CCDC3: variants seen among roughly 807,000 people sequenced by gnomAD.
The protein encoded by CCDC3 is coiled-coil domain-containing protein 3.
In CCDC3, 24 loss-of-function variants were observed where a neutral mutation model predicts 21.4. That is an observed-to-expected ratio of 1.12 (90% confidence interval 0.81 to 1.58). CCDC3 has a LOEUF of 1.58. Ranked by LOEUF, CCDC3 falls within the 40% of genes most tolerant of loss-of-function variation. CCDC3 has a pLI of 0.00. For missense variants in CCDC3, 425 were observed against 360.9 expected (o/e 1.18, Z -1.44); for synonymous variants, 186 against 166.0 (o/e 1.12, Z -0.93).
At chr10:12,926,844 T>A (rs1834548841) in intron 2 of CCDC3, among the ~76,000 whole-genome samples, 1 of 152,190 alleles carries the variant, frequency 6.6e-6, no homozygotes, top group African/African-American at 2.4e-5. Context: ...GATAACAGGA[T>A]ATTTCATTGG....
intron 2 of CCDC3, among the ~76,000 whole-genome samples, chr10:12,996,572 G>A (rs539999995): frequency 1.3e-5 from 2 of 152,244 alleles, no homozygotes; most frequent in South Asian, 4.1e-4. Context: ...CTGACCTCAG[G>A]TGATCCCCCC....
At position 12,921,571 on chromosome 10, in the gene CCDC3, A is replaced by G. The variant is rs190582855; in HGVS notation, c.550-22892T>C. On this transcript the variant is annotated intron_variant, in intron 2 of 2. Transcript: ENST00000378825. ...TCTTAAAAATTGTAGCAAAATATAC[A>G]TAACATAAAATTTACCATCTTAACC... Among the ~76,000 whole-genome samples, 521 of 152,370 alleles carry G rather than the reference A, an allele frequency of 3.4e-3. 2 individuals are homozygous for G. The highest frequency in any genetic ancestry group is 6.3e-3 in the Non-Finnish European group (429 of 68,026).
intron 4 of CCDC3, among the ~76,000 whole-genome samples, chr10:13,054,496 T>C (rs1173580447): frequency 6.6e-6 from 1 of 152,138 alleles, no homozygotes; most frequent in African/African-American, 2.4e-5. Context: ...AGCTCCATGA[T>C]GGCAGGAATT....
chr10:13,074,687 A>C (rs1836938842), intron 3 of CCDC3, among the ~76,000 whole-genome samples: 1 of 151,876 alleles, frequency 6.6e-6, no homozygotes, highest in African/African-American at 2.4e-5. Context: ...CTTTCTCATA[A>C]GCACAAATAC....
intron 2 of CCDC3, among the ~76,000 whole-genome samples, chr10:12,965,555 A>G (rs1169536947): frequency 1.3e-5 from 2 of 152,190 alleles, no homozygotes; most frequent in African/African-American, 2.4e-5. Context: ...CGTAAGAGAG[A>G]TGTCACTCAC....
intron 5 of CCDC3, among the ~76,000 whole-genome samples, chr10:13,048,577 C>T (rs1412499697): frequency 2.6e-5 from 4 of 152,088 alleles, no homozygotes; most frequent in East Asian, 3.9e-4. Context: ...CCTATTGATG[C>T]CATTCACTTT....
chr10:13,028,343 C>G (rs1214905247), intron 5 of CCDC3, among the ~76,000 whole-genome samples: 2 of 152,222 alleles, frequency 1.3e-5, no homozygotes, highest in African/African-American at 4.8e-5. Flanking sequence ...GAGGCCTCCC[C>G]CAGCCACGTG....
At chr10:13,069,186 C>A (rs1412113900) in intron 4 of CCDC3, among the ~76,000 whole-genome samples, 2 of 152,182 alleles carry the variant, frequency 1.3e-5, no homozygotes, top group African/African-American at 4.8e-5. Context: ...ACCCGGGAGG[C>A]AGAGGTTGCG....
intron 5 of CCDC3, among the ~76,000 whole-genome samples, chr10:13,019,044 T>C (rs1487293627): frequency 2.0e-5 from 3 of 150,162 alleles, no homozygotes; most frequent in Non-Finnish European, 4.5e-5. Flanking sequence ...CCATCCTGGC[T>C]AACACGGTGA....
intron 3 of CCDC3, among the ~76,000 whole-genome samples, chr10:13,087,870 T>C (rs1454078512): frequency 6.6e-6 from 1 of 152,154 alleles, no homozygotes; most frequent in Non-Finnish European, 1.5e-5. Flanking sequence ...GCAATTGTGG[T>C]CCTCCAGACT....
chr10:12,978,837 A>T (rs975183232), intron 2 of CCDC3, among the ~76,000 whole-genome samples: 12 of 152,262 alleles, frequency 7.9e-5, no homozygotes, highest in African/African-American at 2.6e-4. Context: ...ACCATGTAAG[A>T]ATGTTCTTCC....
intron 3 of CCDC3, among the ~76,000 whole-genome samples, chr10:13,081,305 C>A (rs762514380): frequency 6.6e-6 from 1 of 152,086 alleles, no homozygotes; most frequent in Admixed American, 6.6e-5. Context: ...AGAACTAAGT[C>A]TTTTAGCACA....
At chr10:13,080,785 G>A (rs1837029439) in intron 3 of CCDC3, among the ~76,000 whole-genome samples, 1 of 152,246 alleles carries the variant, frequency 6.6e-6, no homozygotes, top group Non-Finnish European at 1.5e-5. Context: ...GACACTTCCT[G>A]TGTCAGGGAG....
intron 2 of CCDC3, among the ~76,000 whole-genome samples, chr10:12,964,471 T>C (rs1049094200): frequency 2.6e-5 from 4 of 152,202 alleles, no homozygotes; most frequent in African/African-American, 9.7e-5. Flanking sequence ...GGTCTGTAGT[T>C]TATGCCTGGA....
intron 2 of CCDC3, among the ~76,000 whole-genome samples, chr10:12,974,798 T>C (rs1285921789): frequency 6.6e-6 from 1 of 152,218 alleles, no homozygotes; most frequent in Non-Finnish European, 1.5e-5. Context: ...AAAGGTTTCA[T>C]CACCAGATTT....
chr10:12,993,813 C>T (rs762916295), intron 2 of CCDC3, among the ~76,000 whole-genome samples: 7 of 152,108 alleles, frequency 4.6e-5, no homozygotes, highest in East Asian at 3.9e-4. Flanking sequence ...TTTACTAATG[C>T]GTGGGTGGGA....
intron 5 of CCDC3, among the ~76,000 whole-genome samples, chr10:13,033,934 C>G (rs1456555002): frequency 1.3e-5 from 2 of 152,172 alleles, no homozygotes; most frequent in South Asian, 2.1e-4. Flanking sequence ...GACAGTGTGG[C>G]TATTCTGCAA....
At chr10:13,032,949 T>G (rs2131412569) in intron 5 of CCDC3, among the ~76,000 whole-genome samples, 1 of 152,312 alleles carries the variant, frequency 6.6e-6, no homozygotes, top group Middle Eastern at 3.4e-3. Flanking sequence ...GCCATCCCCA[T>G]CAAGCTACCA....
chr10:13,095,048 T>A (rs898122777), intron 3 of CCDC3, among the ~76,000 whole-genome samples: 6 of 152,184 alleles, frequency 3.9e-5, no homozygotes, highest in Admixed American at 1.3e-4. Context: ...TACACCTTGC[T>A]TCTCATACAG....
Sources: gnomAD v4.1 joint callset for allele counts (sites outside exome capture counted in the v4.1 genomes callset) on GRCh38, gnomAD v4.1.1 for gene constraint, MANE v1.5 for transcripts, NCBI Gene and HGNC (gene_info 2026-07-23, HGNC 2026-07-21) for gene names.